The following CENPX variants were observed in gnomAD, a reference collection of about 807,000 sequenced individuals.
The protein encoded by CENPX is FANCM associated histone fold protein 2.
A neutral mutation model predicts 13.2 loss-of-function variants in CENPX; 13 were observed. The ratio of observed to expected loss-of-function variants is 0.98; its 90% CI spans 0.64 to 1.56. The LOEUF is 1.56. Ranked by LOEUF, CENPX falls within the 40% of genes most tolerant of loss-of-function variation. The pLI is 0.00. For missense variants in CENPX, 138 were observed against 107.5 expected, an observed-to-expected ratio of 1.28 and a Z score of -1.26; for synonymous variants, 66 against 47.2, an observed-to-expected ratio of 1.40 and a Z score of -1.63.
At chr17:82,019,524 C>T (rs755040867) in intron 3 of CENPX, 117 bp downstream of exon 3, 18 of 1,534,552 alleles carry the variant, frequency 1.2e-5, no homozygotes, top group Non-Finnish European at 1.4e-5. Context: ...CAAACAGGCT[C>T]AGGAGACCCA....
intron 2 of CENPX, 65 bp from the exon 3 acceptor site, chr17:82,019,759 A>G: frequency 6.5e-7 from 1 of 1,549,290 alleles, no homozygotes; most frequent in Non-Finnish European, 8.7e-7. Flanking sequence ...CTCCAGACAT[A>G]CCCCCGCCCT....
At chr17:82,019,481 G>T in intron 3 of CENPX, 100 bp from the exon 4 acceptor site, 1 of 1,509,108 alleles carries the variant, frequency 6.6e-7, no homozygotes, top group Non-Finnish European at 8.9e-7. Context: ...CAACACCCAC[G>T]GGCAGCCCCC....
At position 82,018,976 on chromosome 17, in the gene CENPX, G is replaced by A. The variant is rs1466744809; in HGVS notation, c.*229C>T. 8.0e-6 allele frequency: 4 copies of A among 497,120 alleles called. No individual in the cohort carries two copies. The highest frequency in any genetic ancestry group is 1.3e-5 in the Non-Finnish European group (4 of 303,504). The allele number at this position is 497,120 out of a possible 1,614,324, so 30.8% of individuals were successfully genotyped here. A position where few individuals can be genotyped will look rare whatever the true frequency, so the allele number is the denominator to read the frequency against. On this transcript the variant is annotated 3_prime_UTR_variant, in exon 5 of 5. Coordinates refer to ENST00000392359, the MANE Select transcript of CENPX (RefSeq NM_001271006.2). ...AGGGAGGAGAGGCAGGGACTCCCCA[G>A]GTGCTGCCCCTTCCCACACCAGTGT...
chr17:82,022,767 A>C, intron 1 of CENPX, 59 bp downstream of exon 1: 1 of 1,526,810 alleles, frequency 6.5e-7, no homozygotes, highest in Non-Finnish European at 8.8e-7. Context: ...TCACAGTGTC[A>C]CGCGTGAGGT....
intron 1 of CENPX, 59 bp from the exon 2 acceptor site, chr17:82,019,968 T>C: frequency 1.6e-6 from 2 of 1,253,480 alleles, no homozygotes; most frequent in East Asian, 4.6e-5. Context: ...CCCCCCAGGG[T>C]GGTGACCATT....
chr17:82,019,350 C>T lies in CENPX; in HGVS notation c.174G>A (p.Gln58=). The T allele has an allele frequency of 6.4e-7, 1 of 1,570,696 alleles. No homozygotes were observed. The highest frequency in any genetic ancestry group is 8.6e-7 in the Non-Finnish European group (1 of 1,160,284). The change falls in exon 4 of 5, where the codon CAG becomes CAA. Residue 58 remains glutamine, a synonymous_variant. Coordinates refer to ENST00000392359, the MANE Select transcript of CENPX (RefSeq NM_001271006.2). ...EAAVRGVRQA[Q]AEDALRVDVD... ...CGTCCACACGGAGCGCGTCTTCTGCCTGGGCCTGCCGCACGCCGCGGACTG... is the reference window on the plus strand; with the variant it reads ...CGTCCACACGGAGCGCGTCTTCTGCTTGGGCCTGCCGCACGCCGCGGACTG...
chr17:82,022,355 G>C (rs1456954698), intron 1 of CENPX, among the ~76,000 whole-genome samples: 1 of 152,102 alleles, frequency 6.6e-6, no homozygotes, highest in East Asian at 1.9e-4. Flanking sequence ...CGCGTTCCTA[G>C]CCCAGTGCTG....
chr17:82,019,227 G>A lies in CENPX; in HGVS notation c.232-8C>T, dbSNP rs775727704. The A allele has an allele frequency of 6.3e-6, 10 of 1,590,962 alleles. No individual in the cohort carries two copies. In the Admixed American group the frequency reaches 6.8e-5, roughly 11 times the overall value. ...TCCCTAGAAGTCCAGGAGCTGTGGG[G>A]AAGAGAAGCACTTAGGGCCAGCCAG... On this transcript the variant is annotated splice_region_variant and splice_polypyrimidine_tract_variant and intron_variant, in intron 4 of 4. Transcript: ENST00000392359.
chr17:82,019,938 GCCCC>G, intron 1 of CENPX, 29 bp from the exon 2 acceptor site: 1 of 1,533,870 alleles, frequency 6.5e-7, no homozygotes, highest in South Asian at 1.2e-5. Flanking sequence ...TCAGCGCCAC[GCCCC>G]GCCCTCCCCC....
rs2043215606 is a variant in CENPX, at chr17:82,018,789, T to A, written c.*416A>T. The A allele has an allele frequency of 2.1e-5, 6 of 287,704 alleles. No individual in the cohort carries two copies. The South Asian group carries it at 9.9e-4, about 47-fold the overall frequency. 17.8% of individuals were successfully genotyped at this position (287,704 alleles called of 1,614,324 possible). On this transcript the variant is annotated 3_prime_UTR_variant, in exon 5 of 5. Coordinates refer to ENST00000392359, the MANE Select transcript of CENPX (RefSeq NM_001271006.2). ...AGCATCTTCCAAGGGGAATATCGCA[T>A]GGCTGGAAAGGTCACACGCCAGCTT...
intron 1 of CENPX, 170 bp downstream of exon 1, chr17:82,022,656 C>G: frequency 1.3e-6 from 1 of 764,208 alleles, no homozygotes; most frequent in Non-Finnish European, 2.1e-6. Flanking sequence ...GAGACACCAG[C>G]CCACGAGGGC....
intron 1 of CENPX, among the ~76,000 whole-genome samples, chr17:82,020,301 A>G (rs573476549): frequency 3.5e-4 from 54 of 152,350 alleles, no homozygotes; most frequent in Admixed American, 9.8e-4. Context: ...GTGGGGAGGC[A>G]GGGAAGGCAG....
At position 82,022,817 on chromosome 17, in the gene CENPX, G is replaced by T; in HGVS notation, c.36+9C>A. ...CGCGCCTGCCTAGCCCCTGCCCTCC[G>T]GCCCTCACCTTCCGGAAGCCGGATC... On this transcript the variant is annotated intron_variant, in intron 1 of 4. Transcript: ENST00000392359. 6.3e-7 allele frequency: 1 copy of T among 1,584,884 alleles called. No individual in the cohort carries two copies.
In CENPX at chr17:82,019,836, CCGCCCG is replaced by C; in HGVS notation, c.88+16_88+21del. 1 of 1,593,100 alleles carries C rather than the reference CCGCCCG, an allele frequency of 6.3e-7. No individual in the cohort carries two copies. The highest frequency in any genetic ancestry group is 8.6e-7 in the Non-Finnish European group (1 of 1,166,054). On this transcript the variant is annotated intron_variant, in intron 2 of 4. Transcript: ENST00000392359. The stretch of plus-strand genomic sequence containing the variant: ...GAGGACAGACACGGGGACCCACCTC[CCGCCCG>C]CACCCCCACCCGCACCTTTGGTCTT...
chr17:82,019,111 TC>T lies in CENPX; in HGVS notation c.*93del. 2 of 1,465,834 alleles carry T rather than the reference TC, an allele frequency of 1.4e-6. No homozygotes were observed. The highest frequency in any genetic ancestry group is 1.8e-6 in the Non-Finnish European group (2 of 1,103,052). 90.8% of individuals were successfully genotyped at this position (1,465,834 alleles called of 1,614,324 possible). A position where few individuals can be genotyped will look rare whatever the true frequency, so the allele number is the denominator to read the frequency against. ...ATCAACTCCAAATCCTTCAGGTCCTTCCCTGCCTCTTATCAGAGGCCGCTGG... is the reference window on the plus strand; with the variant it reads ...ATCAACTCCAAATCCTTCAGGTCCTTCCTGCCTCTTATCAGAGGCCGCTGG... On this transcript the variant is annotated 3_prime_UTR_variant, in exon 5 of 5. Transcript: ENST00000392359.
chr17:82,019,402 G>A, intron 3 of CENPX, 21 bp from the exon 4 acceptor site: 7 of 1,536,902 alleles, frequency 4.6e-6, no homozygotes, highest in African/African-American at 1.4e-5. Context: ...AAACGCGAGA[G>A]GTGGGGGATG....
Position 82,022,836 on chromosome 17 carries a change from C to G in CENPX, c.26G>C (p.Gly9Ala). The G allele has an allele frequency of 6.3e-7, 1 of 1,592,412 alleles. No homozygotes were observed. The highest frequency in any genetic ancestry group is 8.5e-7 in the Non-Finnish European group (1 of 1,172,124). Residue 9 changes from glycine to alanine, a missense_variant, in exon 1 of 5, where the codon GGC becomes GCC. By Grantham distance (60) the Gly-to-Ala change is moderately conservative. Coordinates refer to ENST00000392359, the MANE Select transcript of CENPX (RefSeq NM_001271006.2). MEGAGAGS[G>A]FRKELVSRLL... Reference sequence around the variant, plus strand: ...CCCTCCGGCCCTCACCTTCCGGAAGCCGGATCCAGCTCCTGCTCCCTCCAT... The same window carrying G: ...CCCTCCGGCCCTCACCTTCCGGAAGGCGGATCCAGCTCCTGCTCCCTCCAT...
At chr17:82,019,520 G>T in intron 3 of CENPX, 121 bp downstream of exon 3, 1 of 1,531,980 alleles carries the variant, frequency 6.5e-7, no homozygotes, top group South Asian at 1.2e-5. Context: ...CTGACAAACA[G>T]GCTCAGGAGA....
intron 1 of CENPX, chr17:82,022,564 G>A: frequency 3.6e-6 from 2 of 558,228 alleles, no homozygotes; most frequent in Non-Finnish European, 6.3e-6. Context: ...CCGCCGTGAC[G>A]GCGCCCACCC....
Sources: allele counts gnomAD v4.1 joint callset (sites outside exome capture counted in the v4.1 genomes callset), GRCh38; gene constraint gnomAD v4.1.1; transcripts MANE v1.5; gene names NCBI Gene and HGNC (gene_info 2026-07-23, HGNC 2026-07-21).